The following LINGO2 variants were observed in gnomAD, a reference collection of about 807,000 sequenced individuals.
The protein encoded by LINGO2 is leucine rich repeat and Ig domain containing 2.
In LINGO2, 14 loss-of-function variants were observed where a neutral mutation model predicts 30.6. The ratio of observed to expected loss-of-function variants is 0.46; its 90% CI spans 0.30 to 0.72. The LOEUF is 0.72. LINGO2 is among the 30% of genes least tolerant of loss of function. The pLI is 0.07. For synonymous variants in LINGO2, 317 were observed against 288.5 expected (o/e 1.10, Z -1.00); for missense variants, 729 against 751.7 (o/e 0.97, Z 0.35).
rs1191528791 is a variant in LINGO2 at position 28,059,832 on chromosome 9, T to A, written c.-86-47427A>T. ...AAGGAAAGGATACTGGATTGACGCT[T>A]CTAAACAATGGTTTGTCCAGAGCAG... is the stretch of plus-strand genomic sequence containing the variant. On this transcript the variant is annotated intron_variant, in intron 4 of 5. Coordinates refer to ENST00000379992, the Ensembl canonical transcript of LINGO2. 2.0e-5 allele frequency among the ~76,000 whole-genome samples: 3 copies of A among 152,000 alleles called. No homozygotes were observed. In the East Asian group the frequency reaches 5.8e-4, roughly 29 times the overall value.
chr9:28,737,740 C>G, the LINGO2 span, among the ~76,000 whole-genome samples: 1 of 151,886 alleles, frequency 6.6e-6, no homozygotes, highest in Admixed American at 6.6e-5. Flanking sequence ...TGGAGTCTGA[C>G]AAAAATTATT....
intron 3 of LINGO2, among the ~76,000 whole-genome samples, chr9:28,301,663 T>C (rs1269614588): frequency 6.6e-6 from 1 of 152,216 alleles, no homozygotes; most frequent in African/African-American, 2.4e-5. Flanking sequence ...TTTATTTCTC[T>C]TTGAGTTTCA....
intron 4 of LINGO2, among the ~76,000 whole-genome samples, chr9:28,179,282 A>G (rs1314432302): frequency 6.8e-6 from 1 of 146,102 alleles, no homozygotes; most frequent in Non-Finnish European, 1.5e-5. Flanking sequence ...AAAATACTAT[A>G]TATATACCAT....
At chr9:28,463,827 G>T (rs986055250) in intron 2 of LINGO2, among the ~76,000 whole-genome samples, 1 of 152,040 alleles carries the variant, frequency 6.6e-6, no homozygotes, top group African/African-American at 2.4e-5. Context: ...AGTGCATTTG[G>T]CAGGAAAAAA....
chr9:27,984,724 G>A (rs532334437), intron 5 of LINGO2, among the ~76,000 whole-genome samples: 1 of 151,930 alleles, frequency 6.6e-6, no homozygotes, highest in East Asian at 1.9e-4. Context: ...TAGAAGCAGA[G>A]TAAGGTAAGG....
chr9:28,685,956 C>T, the LINGO2 span, among the ~76,000 whole-genome samples: 42,735 of 149,990 alleles, frequency 0.28, 6,746 homozygotes, highest in African/African-American at 0.43. Context: ...TGCATGATTT[C>T]TTTTATATAT....
At chr9:28,496,058 C>T (rs1052869366) in intron 1 of LINGO2, among the ~76,000 whole-genome samples, 1 of 151,352 alleles carries the variant, frequency 6.6e-6, no homozygotes, top group Non-Finnish European at 1.5e-5. Context: ...TTTACATTTG[C>T]TGAGGAGTGC....
At chr9:28,838,575 G>A in the LINGO2 span, among the ~76,000 whole-genome samples, 3 of 152,030 alleles carry the variant, frequency 2.0e-5, no homozygotes, top group Admixed American at 2.0e-4. Context: ...AGTCTTTATC[G>A]TTCTCTTATT....
the LINGO2 span, among the ~76,000 whole-genome samples, chr9:28,944,176 C>A: frequency 6.6e-6 from 1 of 152,130 alleles, no homozygotes; most frequent in African/African-American, 2.4e-5. Context: ...TGGCTCACCA[C>A]GACATCTCAT....
the LINGO2 span, among the ~76,000 whole-genome samples, chr9:29,162,781 T>C: frequency 6.6e-6 from 1 of 152,120 alleles, no homozygotes; most frequent in Non-Finnish European, 1.5e-5. Context: ...CAAATCAAAA[T>C]GTAGAATTAT....
intron 4 of LINGO2, among the ~76,000 whole-genome samples, chr9:28,132,144 A>G (rs1827394915): frequency 6.6e-6 from 1 of 152,178 alleles, no homozygotes; most frequent in South Asian, 2.1e-4. Flanking sequence ...AAACTGATAG[A>G]TATGTAAAGC....
intron 3 of LINGO2, among the ~76,000 whole-genome samples, chr9:28,307,622 A>T (rs1236425070): frequency 6.6e-6 from 1 of 152,172 alleles, no homozygotes; most frequent in African/African-American, 2.4e-5. Flanking sequence ...TTCAGTTAGG[A>T]AAAGAGGAAG....
intron 3 of LINGO2, among the ~76,000 whole-genome samples, chr9:28,356,542 A>G (rs946633699): frequency 1.6e-4 from 24 of 152,142 alleles, no homozygotes; most frequent in African/African-American, 4.8e-4. Context: ...TAACCACTGT[A>G]CCATGTAGCT....
chr9:28,985,783 C>A, the LINGO2 span, among the ~76,000 whole-genome samples: 3 of 151,958 alleles, frequency 2.0e-5, no homozygotes, highest in Non-Finnish European at 2.9e-5. Flanking sequence ...CAGAATGCAT[C>A]GTTTGCAAAT....
At chr9:28,990,971 A>C in the LINGO2 span, among the ~76,000 whole-genome samples, 3 of 152,344 alleles carry the variant, frequency 2.0e-5, no homozygotes, top group African/African-American at 7.2e-5. Flanking sequence ...TCCTCCTCCA[A>C]AGGAACGCAG....
At chr9:27,942,608 ATTT>A in the LINGO2 span, 1 of 152,096 alleles carries the variant, frequency 6.6e-6, no homozygotes, top group Non-Finnish European at 1.5e-5. Flanking sequence ...ACTTTCAGGC[ATTT>A]TTTACGAAAA....
chr9:28,148,974 C>T lies in LINGO2; in HGVS notation c.-86-136569G>A, dbSNP rs1827899995. On this transcript the variant is annotated intron_variant, in intron 4 of 5. Coordinates refer to ENST00000379992, the Ensembl canonical transcript of LINGO2. This position sits in a 1 kb window ranked among gnomAD's most constrained non-coding sequence, Gnocchi z 5.1. ...TCCCACAAAAGAAAACTGTCGGGGC[C>T]ACCGCTGCAGCTGCAACCGACCCCT... 3.1e-5 allele frequency: 47 copies of T among 1,534,176 alleles called. No homozygotes were observed. The highest frequency in any genetic ancestry group is 4.0e-5 in the Non-Finnish European group (46 of 1,146,782).
At chr9:28,128,173 A>G (rs1827291755) in intron 4 of LINGO2, among the ~76,000 whole-genome samples, 1 of 152,186 alleles carries the variant, frequency 6.6e-6, no homozygotes, top group Non-Finnish European at 1.5e-5. Flanking sequence ...CCTTTATTTC[A>G]CAGAAGAAGA....
At chr9:27,954,279 G>C (rs1819456782) in intron 5 of LINGO2, among the ~76,000 whole-genome samples, 1 of 152,064 alleles carries the variant, frequency 6.6e-6, no homozygotes, top group Admixed American at 6.6e-5. Flanking sequence ...TGGAACATTA[G>C]AACTGATTCC....
Sources: gnomAD v4.1 joint callset for allele counts (sites outside exome capture counted in the v4.1 genomes callset) on GRCh38, gnomAD v4.1.1 for gene constraint, Gnocchi (gnomAD v3.1) non-coding constraint, MANE v1.5 for transcripts, NCBI Gene and HGNC (gene_info 2026-07-23, HGNC 2026-07-21) for gene names.